ADGRL2: variants seen among roughly 807,000 people sequenced by gnomAD.
ADGRL2 encodes the protein calcium-independent alpha-latrotoxin receptor 2.
In ADGRL2, 44 loss-of-function variants were observed where a neutral mutation model predicts 157.4. The observed-to-expected ratio is 0.28, with a 90% confidence interval of 0.22 to 0.36. The LOEUF (loss-of-function observed/expected upper bound fraction) is 0.36. ADGRL2 is among the 10% of genes least tolerant of loss of function. ADGRL2 has a pLI of 1.00. For synonymous variants in ADGRL2, 585 were observed against 624.7 expected (o/e 0.94, Z 0.95); for missense variants, 1,510 against 1,768.9 (o/e 0.85, Z 2.63).
chr1:81,581,360 G>A (rs1031027313), intron 3 of ADGRL2, among the ~76,000 whole-genome samples: 1 of 152,136 alleles, frequency 6.6e-6, no homozygotes, highest in African/African-American at 2.4e-5. Flanking sequence ...TGGAATATCA[G>A]TTTCTTTAAG....
At chr1:81,741,907 C>A (rs9660614) in intron 1 of ADGRL2, among the ~76,000 whole-genome samples, 43,861 of 151,536 alleles carry the variant, frequency 0.29, 6,507 homozygotes, top group South Asian at 0.39. Context: ...GATTTTGATA[C>A]AAATTTAATT....
intron 1 of ADGRL2, among the ~76,000 whole-genome samples, chr1:81,366,815 T>C (rs1446628926): frequency 2.0e-5 from 3 of 152,220 alleles, no homozygotes. Context: ...CTGGATTCTA[T>C]GTGATGAGAT....
chr1:81,380,076 C>T (rs2076317857), intron 1 of ADGRL2, among the ~76,000 whole-genome samples: 1 of 152,150 alleles, frequency 6.6e-6, no homozygotes, highest in African/African-American at 2.4e-5. Flanking sequence ...CCCTAACACG[C>T]AAAAAATTCT....
chr1:81,780,780 T>A (rs1431157763), intron 2 of ADGRL2, among the ~76,000 whole-genome samples: 2 of 152,212 alleles, frequency 1.3e-5, no homozygotes, highest in Admixed American at 6.5e-5. Context: ...CTCATTTAAG[T>A]GATATGCATT....
intron 2 of ADGRL2, among the ~76,000 whole-genome samples, chr1:81,543,470 C>A (rs1298991478): frequency 4.6e-5 from 7 of 152,204 alleles, no homozygotes; most frequent in Non-Finnish European, 8.8e-5. Context: ...GTTTATAAGC[C>A]ACCCATTTAC....
chr1:81,613,302 C>T (rs373817378), intron 3 of ADGRL2, among the ~76,000 whole-genome samples: 12 of 152,142 alleles, frequency 7.9e-5, no homozygotes, highest in African/African-American at 2.4e-4. Flanking sequence ...TTATCATTGT[C>T]AACTTGTTGT....
intron 2 of ADGRL2, among the ~76,000 whole-genome samples, chr1:81,772,739 T>A (rs1182578617): frequency 1.3e-5 from 2 of 151,448 alleles, no homozygotes; most frequent in East Asian, 3.9e-4. Context: ...AAAAAAAGAG[T>A]AGAAATAAGA....
intron 2 of ADGRL2, among the ~76,000 whole-genome samples, chr1:81,478,233 T>C (rs949563315): frequency 2.6e-5 from 4 of 151,930 alleles, no homozygotes; most frequent in African/African-American, 9.7e-5. Context: ...ATCGGAGAGG[T>C]GAGGTATCAG....
chr1:81,457,396 T>G (rs1482677240), intron 2 of ADGRL2, among the ~76,000 whole-genome samples: 1 of 152,118 alleles, frequency 6.6e-6, no homozygotes, highest in Non-Finnish European at 1.5e-5. Context: ...TTTTGAATGC[T>G]GGGAAAATTT....
chr1:81,917,654 A>G (rs1424328876), intron 3 of ADGRL2, among the ~76,000 whole-genome samples: 1 of 152,342 alleles, frequency 6.6e-6, no homozygotes, highest in East Asian at 1.9e-4. Flanking sequence ...CAAGAAAGAC[A>G]TAGTTTTAGA....
intron 2 of ADGRL2, among the ~76,000 whole-genome samples, chr1:81,858,338 T>C (rs2093275075): frequency 6.6e-6 from 1 of 152,216 alleles, no homozygotes; most frequent in African/African-American, 2.4e-5. Flanking sequence ...CTTGATTTGA[T>C]TTATTCATGA....
intron 3 of ADGRL2, among the ~76,000 whole-genome samples, chr1:81,607,969 T>C (rs768656787): frequency 5.3e-5 from 8 of 152,204 alleles, no homozygotes; most frequent in Non-Finnish European, 7.3e-5. Flanking sequence ...CATAAACTCA[T>C]GAACCTTACT....
At chr1:81,955,752 T>C (rs1653306662) in intron 10 of ADGRL2, 125 bp from the exon 11 acceptor site, 1 of 601,800 alleles carries the variant, frequency 1.7e-6, no homozygotes, top group Admixed American at 3.2e-5. Flanking sequence ...TAGGTGTTCT[T>C]CCATCTTGAA....
intron 2 of ADGRL2, among the ~76,000 whole-genome samples, chr1:81,472,732 T>C (rs1485249658): frequency 6.6e-6 from 1 of 152,200 alleles, no homozygotes; most frequent in Non-Finnish European, 1.5e-5. Context: ...ATCCTATATT[T>C]CCAAACCCTT....
At chr1:81,615,489 G>A (rs1301058213) in intron 3 of ADGRL2, among the ~76,000 whole-genome samples, 1 of 152,230 alleles carries the variant, frequency 6.6e-6, no homozygotes, top group Non-Finnish European at 1.5e-5. Context: ...CCTGAAGTCA[G>A]TGAGACCATG....
chr1:81,317,725 T>C (rs1660210776), intron 1 of ADGRL2, among the ~76,000 whole-genome samples: 1 of 152,236 alleles, frequency 6.6e-6, no homozygotes. Flanking sequence ...AATATAACTG[T>C]TCTTAAAATT....
At chr1:81,573,189 C>T (rs188901050) in intron 2 of ADGRL2, among the ~76,000 whole-genome samples, 5 of 152,048 alleles carry the variant, frequency 3.3e-5, no homozygotes, top group African/African-American at 1.2e-4. Flanking sequence ...TAAAGGCTAT[C>T]AGGTTTTGCT....
At chr1:81,478,095 A>T (rs78627982) in intron 2 of ADGRL2, among the ~76,000 whole-genome samples, 1 of 150,360 alleles carries the variant, frequency 6.7e-6, no homozygotes, top group Non-Finnish European at 1.5e-5. Context: ...TTAAAAAAAA[A>T]TACTGCTTTC....
intron 1 of ADGRL2, among the ~76,000 whole-genome samples, chr1:81,439,628 G>A (rs1051604590): frequency 2.0e-5 from 3 of 152,206 alleles, no homozygotes; most frequent in East Asian, 1.9e-4. Context: ...CAGGTGTGTC[G>A]CCTTGAGGGG....
Sources: gnomAD v4.1 joint callset for allele counts (sites outside exome capture counted in the v4.1 genomes callset) on GRCh38, gnomAD v4.1.1 for gene constraint, MANE v1.5 for transcripts, NCBI Gene and HGNC (gene_info 2026-07-23, HGNC 2026-07-21) for gene names.